Variants in PLCB1 observed in about 807,000 individuals in gnomAD.
PLCB1 encodes the protein 1-phosphatidylinositol 4,5-bisphosphate phosphodiesterase beta-1.
In PLCB1, 46 loss-of-function variants were observed where a neutral mutation model predicts 161.8. That is an observed-to-expected ratio of 0.28 (90% confidence interval 0.22 to 0.36). PLCB1 has a LOEUF of 0.36. PLCB1 is among the 10% of genes least tolerant of loss of function. PLCB1 has a pLI of 1.00. For synonymous variants in PLCB1, 517 were observed against 503.7 expected (o/e 1.03, Z -0.35); for missense variants, 1,016 against 1,472.5 (o/e 0.69, Z 5.07).
chr20:8,202,642 T>C (rs1294148648), intron 2 of PLCB1, among the ~76,000 whole-genome samples: 1 of 152,206 alleles, frequency 6.6e-6, no homozygotes, highest in Non-Finnish European at 1.5e-5. Context: ...GTTTATTTAA[T>C]TCAATCGCAT....
At chr20:8,741,835 G>T (rs370103828) in intron 23 of PLCB1, among the ~76,000 whole-genome samples, 26 of 152,320 alleles carry the variant, frequency 1.7e-4, no homozygotes, top group Non-Finnish European at 3.1e-4. Flanking sequence ...TGCTATTTCA[G>T]ATGAAACTTT....
At chr20:8,234,728 G>A (rs1980234081) in intron 2 of PLCB1, among the ~76,000 whole-genome samples, 2 of 151,988 alleles carry the variant, frequency 1.3e-5, no homozygotes, top group Non-Finnish European at 2.9e-5. Flanking sequence ...GGCAATGGTT[G>A]ATAAATTGTT....
At position 8,395,951 on chromosome 20, in the gene PLCB1, G is replaced by A. The variant is rs538952694; in HGVS notation, c.246+24501G>A. Among the ~76,000 whole-genome samples, 4 of 152,048 alleles carry A rather than the reference G, an allele frequency of 2.6e-5. No individual in the cohort carries two copies. The East Asian group carries it at 7.7e-4, about 29-fold the overall frequency. ...TTATTCTAAATTATTCCTGGTAAAT[G>A]CTTACAACTCTTCCAAGTGTCTGGA... On this transcript the variant is annotated intron_variant, in intron 3 of 31. Transcript: ENST00000338037.
chr20:8,757,495 C>T (rs60666717), intron 24 of PLCB1, among the ~76,000 whole-genome samples: 1 of 152,298 alleles, frequency 6.6e-6, no homozygotes, highest in African/African-American at 2.4e-5. Context: ...TTATAAACAA[C>T]CATGCCTTAG....
At chr20:8,734,170 G>C (rs946866211) in intron 19 of PLCB1, among the ~76,000 whole-genome samples, 1 of 122,428 alleles carries the variant, frequency 8.2e-6, no homozygotes, top group Non-Finnish European at 1.7e-5. Flanking sequence ...AGTTTTCATA[G>C]GCCACATGAA....
chr20:8,789,700 G>A, intron 30 of PLCB1, 125 bp downstream of exon 30: 1 of 729,600 alleles, frequency 1.4e-6, no homozygotes, highest in Non-Finnish European at 2.4e-6. Flanking sequence ...ACCTAGCAGA[G>A]CTGTTTCACA....
intron 3 of PLCB1, among the ~76,000 whole-genome samples, chr20:8,470,153 A>C (rs1981989352): frequency 6.6e-6 from 1 of 152,164 alleles, no homozygotes; most frequent in African/African-American, 2.4e-5. Context: ...TGAATATGCC[A>C]CATTTTATCT....
chr20:8,684,007 C>T (rs964601870), intron 9 of PLCB1, among the ~76,000 whole-genome samples: 2 of 151,440 alleles, frequency 1.3e-5, no homozygotes, highest in African/African-American at 4.9e-5. Flanking sequence ...CCTCAGCCTC[C>T]CGAGTAGCTG....
intron 3 of PLCB1, among the ~76,000 whole-genome samples, chr20:8,523,882 A>G (rs1984479523): frequency 6.6e-6 from 1 of 152,072 alleles, no homozygotes; most frequent in Non-Finnish European, 1.5e-5. Context: ...TGCAGAAACC[A>G]TGCCACCCAG....
chr20:8,565,350 T>C (rs1223485316), intron 3 of PLCB1, among the ~76,000 whole-genome samples: 1 of 151,802 alleles, frequency 6.6e-6, no homozygotes, highest in Admixed American at 6.6e-5. Context: ...GTTGGGGGGT[T>C]AGGGCATGGA....
chr20:8,418,662 T>C (rs1469174112), intron 3 of PLCB1, among the ~76,000 whole-genome samples: 1 of 152,178 alleles, frequency 6.6e-6, no homozygotes. Flanking sequence ...AATTATATTG[T>C]AATAAAAAAT....
rs1415128263 is a variant in PLCB1 at position 8,455,552 on chromosome 20, T to G, written c.246+84102T>G. Among the ~76,000 whole-genome samples, 3 of 146,310 alleles carry G rather than the reference T, an allele frequency of 2.1e-5. No homozygotes were observed. The East Asian group carries it at 6.6e-4, about 32-fold the overall frequency. ...GCCTCCTGGGTTCACGCCATTCTCC[T>G]GCCTCAGCCTCCCGAGTAGCTGGGA... On this transcript the variant is annotated intron_variant, in intron 3 of 31. Transcript: ENST00000338037.
At chr20:8,864,563 AAT>A (rs1272621344) in intron 31 of PLCB1, among the ~76,000 whole-genome samples, 11 of 152,206 alleles carry the variant, frequency 7.2e-5, no homozygotes, top group Admixed American at 2.0e-4. Flanking sequence ...TAAATCAATG[AAT>A]GTGTGAGGGA....
intron 2 of PLCB1, among the ~76,000 whole-genome samples, chr20:8,168,094 G>A (rs531808714): frequency 6.6e-6 from 1 of 152,202 alleles, no homozygotes; most frequent in South Asian, 2.1e-4. Flanking sequence ...GAAACAGGGT[G>A]GAAGCTGCAA....
intron 3 of PLCB1, among the ~76,000 whole-genome samples, chr20:8,536,242 T>G (rs1029370489): frequency 3.3e-5 from 5 of 152,028 alleles, no homozygotes; most frequent in African/African-American, 9.7e-5. Context: ...AAATGATTCT[T>G]AAGAGAAAGA....
At chr20:8,679,578 A>T (rs1197781379) in intron 9 of PLCB1, among the ~76,000 whole-genome samples, 1 of 152,222 alleles carries the variant, frequency 6.6e-6, no homozygotes, top group Non-Finnish European at 1.5e-5. Context: ...GGAAGGTATC[A>T]TTACGTCATA....
At chr20:8,403,050 G>A (rs572539365) in intron 3 of PLCB1, among the ~76,000 whole-genome samples, 1 of 151,988 alleles carries the variant, frequency 6.6e-6, no homozygotes, top group South Asian at 2.1e-4. Flanking sequence ...TGTTGTATAT[G>A]ATATCATTTT....
At chr20:8,752,027 G>T (rs1309459140) in intron 23 of PLCB1, 1 of 149,756 alleles carries the variant, frequency 6.7e-6, no homozygotes, top group Non-Finnish European at 1.5e-5. Context: ...TTTTAGTATT[G>T]TACTCCTATA....
At chr20:8,382,273 GTTTC>G (rs1050157895) in intron 3 of PLCB1, among the ~76,000 whole-genome samples, 41 of 146,476 alleles carry the variant, frequency 2.8e-4, no homozygotes, top group African/African-American at 9.8e-4. Flanking sequence ...TTTTGAGTGA[GTTTC>G]TTTTTCTTTT....
Sources: gnomAD v4.1 joint callset for allele counts (sites outside exome capture counted in the v4.1 genomes callset) on GRCh38, gnomAD v4.1.1 for gene constraint, MANE v1.5 for transcripts, NCBI Gene and HGNC (gene_info 2026-07-23, HGNC 2026-07-21) for gene names.